The following MIPOL1 variants were observed in gnomAD, a reference collection of about 807,000 sequenced individuals.
The protein encoded by MIPOL1 is mirror-image polydactyly 1.
In MIPOL1, 57 loss-of-function variants were observed where a neutral mutation model predicts 60.9. The observed-to-expected ratio is 0.94, with a 90% CI of 0.76 to 1.17. The LOEUF (loss-of-function observed/expected upper bound fraction) is 1.17, where lower values mean the gene tolerates loss of function less well. MIPOL1 is among the 50% of genes most tolerant of loss of function. MIPOL1 has a pLI of 0.00. For synonymous variants in MIPOL1, 179 were observed against 168.8 expected, an observed-to-expected ratio of 1.06 and a Z score of -0.47; for missense variants, 551 against 511.6, an observed-to-expected ratio of 1.08 and a Z score of -0.74.
intron 7 of MIPOL1, among the ~76,000 whole-genome samples, chr14:37,288,663 T>G (rs1222656135): frequency 8.6e-5 from 13 of 152,012 alleles, no homozygotes; most frequent in Non-Finnish European, 2.9e-5. Context: ...TTAAAAGATG[T>G]AGCCTGACAT....
chr14:37,257,392 C>T (rs1468979593), intron 3 of MIPOL1, among the ~76,000 whole-genome samples: 5 of 152,010 alleles, frequency 3.3e-5, no homozygotes, highest in Non-Finnish European at 7.4e-5. Flanking sequence ...TTAATGATGC[C>T]TCCAATATTA....
chr14:37,322,378 T>C (rs2088671091), intron 9 of MIPOL1, among the ~76,000 whole-genome samples: 1 of 151,974 alleles, frequency 6.6e-6, no homozygotes, highest in South Asian at 2.1e-4. Context: ...CAATCACTGA[T>C]CTGATATTTT....
intron 7 of MIPOL1, among the ~76,000 whole-genome samples, chr14:37,297,337 C>T (rs2085834902): frequency 6.6e-6 from 1 of 152,158 alleles, no homozygotes; most frequent in Admixed American, 6.5e-5. Flanking sequence ...GACAAACCCA[C>T]AGCCAGTATC....
At chr14:37,293,668 A>G (rs890431532) in intron 7 of MIPOL1, among the ~76,000 whole-genome samples, 59 of 152,254 alleles carry the variant, frequency 3.9e-4, no homozygotes, top group Admixed American at 7.2e-4. Context: ...TATATCCCAC[A>G]CCTAGATCGG....
At position 37,526,785 on chromosome 14, in the gene MIPOL1, C is replaced by T. The variant is rs759887103; in HGVS notation, c.1263-20120C>T. Among the ~76,000 whole-genome samples the T allele has an allele frequency of 2.1e-4, 32 of 151,914 alleles. 1 individual carries two copies. The highest frequency in any genetic ancestry group is 1.0e-4 in the Non-Finnish European group (7 of 67,984). On this transcript the variant is annotated intron_variant, in intron 12 of 12. Transcript: ENST00000684589. ...TTTCGATAAATCTGTAAGATAAATT[C>T]CTAGAAATGAACATTTTGAGGTTCA...
chr14:37,395,415 A>G lies in MIPOL1; in HGVS notation c.936+25791A>G, dbSNP rs943189694. Among the ~76,000 whole-genome samples, 26 of 152,096 alleles carry G rather than the reference A, an allele frequency of 1.7e-4. 1 individual carries two copies. Among genetic ancestry groups the G allele is most frequent in the Admixed American group, 1.6e-3 (24 of 15,264 alleles). Reference sequence around the variant, plus strand: ...GTGTTTTCATTTGTTTGTGTCATCTATGATTTCTTTCAGCAGTGTTTTCTA... The same window carrying G: ...GTGTTTTCATTTGTTTGTGTCATCTGTGATTTCTTTCAGCAGTGTTTTCTA... On this transcript the variant is annotated intron_variant, in intron 10 of 12. Coordinates refer to ENST00000684589, the MANE Select transcript of MIPOL1 (RefSeq NM_001388067.1).
intron 6 of MIPOL1, 149 bp from the exon 7 acceptor site, chr14:37,285,169 T>G: frequency 2.5e-6 from 2 of 811,968 alleles, no homozygotes; most frequent in Non-Finnish European, 3.6e-6. Context: ...TTATTAAAAA[T>G]AATATTTTAT....
intron 7 of MIPOL1, among the ~76,000 whole-genome samples, chr14:37,297,461 C>T (rs2085855016): frequency 6.6e-6 from 1 of 152,112 alleles, no homozygotes; most frequent in African/African-American, 2.4e-5. Context: ...CCAGGGCAAT[C>T]AGGCAGGAGA....
At chr14:37,430,567 C>T (rs1038501799) in intron 11 of MIPOL1, among the ~76,000 whole-genome samples, 3 of 151,006 alleles carry the variant, frequency 2.0e-5, no homozygotes, top group African/African-American at 7.3e-5. Context: ...ATTTATTAAG[C>T]ATTTGTCTCT....
At chr14:37,456,816 A>AAAAAATTACATT (rs2094481079) in intron 11 of MIPOL1, among the ~76,000 whole-genome samples, 1 of 152,100 alleles carries the variant, frequency 6.6e-6, no homozygotes, top group Admixed American at 6.6e-5. Context: ...ATATGAAAAA[A>AAAAAATTACATT]GCTCATTGTA....
At chr14:37,287,694 T>C (rs2084690112) in intron 7 of MIPOL1, among the ~76,000 whole-genome samples, 1 of 152,218 alleles carries the variant, frequency 6.6e-6, no homozygotes. Flanking sequence ...ATAAGCTATA[T>C]TAATTTTCTA....
intron 9 of MIPOL1, among the ~76,000 whole-genome samples, chr14:37,313,443 T>A (rs945425225): frequency 6.6e-6 from 1 of 152,116 alleles, no homozygotes; most frequent in African/African-American, 2.4e-5. Flanking sequence ...TATTGGTATT[T>A]GTAGTTAGAA....
intron 7 of MIPOL1, among the ~76,000 whole-genome samples, chr14:37,298,054 TACAAGGCTACA>T (rs2085942484): frequency 6.6e-6 from 1 of 152,078 alleles, no homozygotes; most frequent in South Asian, 2.1e-4. Flanking sequence ...CAAACTATAC[TACAAGGCTACA>T]GTAACCAAAA....
At chr14:37,523,458 G>GTT (rs751583365) in intron 12 of MIPOL1, 34 of 352,756 alleles carry the variant, frequency 9.6e-5, no homozygotes, top group South Asian at 4.4e-4. Context: ...AAATATTAGA[G>GTT]TTTTTTTTTT....
intron 9 of MIPOL1, among the ~76,000 whole-genome samples, chr14:37,316,035 T>G (rs1179605941): frequency 6.6e-6 from 1 of 151,700 alleles, no homozygotes; most frequent in Non-Finnish European, 1.5e-5. Context: ...TTTAATTTTT[T>G]TTTTTTTTTG....
At position 37,205,470 on chromosome 14, in the gene MIPOL1, G is replaced by GT. The variant is rs879260407; in HGVS notation, c.-199+7378dup. ...CATGGCTGCTGTTAAAACACATTCAGTTTTTTTTTTTTAATACCTTAAGTT... is the reference window on the plus strand; with the variant it reads ...CATGGCTGCTGTTAAAACACATTCAGTTTTTTTTTTTTTAATACCTTAAGTT... On this transcript the variant is annotated intron_variant, in intron 1 of 12. Coordinates refer to ENST00000684589, the MANE Select transcript of MIPOL1 (RefSeq NM_001388067.1). Among the ~76,000 whole-genome samples, 325 of 145,352 alleles carry GT rather than the reference G, an allele frequency of 2.2e-3. 2 individuals carry two copies. Among genetic ancestry groups the GT allele is most frequent in the Middle Eastern group, 3.5e-3 (1 of 282 alleles).
At chr14:37,431,978 G>A (rs1018043592) in intron 11 of MIPOL1, among the ~76,000 whole-genome samples, 7 of 152,008 alleles carry the variant, frequency 4.6e-5, no homozygotes, top group South Asian at 4.2e-4. Flanking sequence ...CATAGTAAGC[G>A]CTCAACAAAT....
At chr14:37,247,650 G>T (rs188263905) in intron 2 of MIPOL1, 179 bp from the exon 3 acceptor site, 31 of 461,476 alleles carry the variant, frequency 6.7e-5, no homozygotes, top group South Asian at 3.5e-4. Flanking sequence ...GTGAAGAAAA[G>T]AACCTTTTTC....
intron 10 of MIPOL1, among the ~76,000 whole-genome samples, chr14:37,376,602 T>C (rs2092783509): frequency 6.6e-6 from 1 of 152,114 alleles, no homozygotes; most frequent in Non-Finnish European, 1.5e-5. Context: ...CTAAGAGGTT[T>C]GCTGGTGCTA....
Sources: gnomAD v4.1 joint callset for allele counts (sites outside exome capture counted in the v4.1 genomes callset) on GRCh38, gnomAD v4.1.1 for gene constraint, MANE v1.5 for transcripts, NCBI Gene and HGNC (gene_info 2026-07-23, HGNC 2026-07-21) for gene names.